Variants in PACRG observed in about 807,000 individuals in gnomAD.
PACRG encodes parkin coregulated gene protein.
In PACRG, 29 loss-of-function variants were observed where a neutral mutation model predicts 29.7. The observed-to-expected ratio is 0.98, with a 90% CI of 0.73 to 1.33. PACRG has a LOEUF of 1.33. PACRG is among the 40% of genes most tolerant of loss of function. The pLI, the probability that PACRG is intolerant of heterozygous loss-of-function variation, is 0.00. For missense variants in PACRG, 279 were observed against 316.2 expected (o/e 0.88, Z 0.89); for synonymous variants, 116 against 118.7 (o/e 0.98, Z 0.15).
At chr6:163,279,378 T>G (rs532625775) in intron 4 of PACRG, among the ~76,000 whole-genome samples, 6 of 152,234 alleles carry the variant, frequency 3.9e-5, no homozygotes, top group Admixed American at 2.6e-4. Context: ...CTGTGTTGAA[T>G]AGATCTTCAA....
intron 1 of PACRG, among the ~76,000 whole-genome samples, chr6:162,733,567 C>T (rs1408235657): frequency 2.6e-5 from 4 of 152,148 alleles, no homozygotes; most frequent in African/African-American, 7.2e-5. Context: ...TCATGGCATT[C>T]GTCACCTCAA....
intron 2 of PACRG, among the ~76,000 whole-genome samples, chr6:163,053,716 T>G (rs968897975): frequency 1.3e-5 from 2 of 152,136 alleles, no homozygotes; most frequent in Non-Finnish European, 2.9e-5. Context: ...GTAGAATACA[T>G]AAATTTATAG....
chr6:163,133,877 A>T (rs1333832189), intron 4 of PACRG, among the ~76,000 whole-genome samples: 1 of 152,230 alleles, frequency 6.6e-6, no homozygotes, highest in African/African-American at 2.4e-5. Flanking sequence ...ATATTGTGCA[A>T]TTCCAATTTT....
At chr6:163,077,194 G>A (rs915054899) in intron 3 of PACRG, among the ~76,000 whole-genome samples, 2 of 152,164 alleles carry the variant, frequency 1.3e-5, no homozygotes, top group Non-Finnish European at 2.9e-5. Context: ...TATTTAAGTG[G>A]TGAGAGTACA....
chr6:162,733,589 G>A (rs1046931398), intron 1 of PACRG, among the ~76,000 whole-genome samples: 2 of 152,078 alleles, frequency 1.3e-5, no homozygotes, highest in Admixed American at 1.3e-4. Context: ...CCCTCAGGTG[G>A]CTCCCTGCCT....
At chr6:163,255,057 GT>G (rs1298591534) in intron 4 of PACRG, among the ~76,000 whole-genome samples, 2 of 152,218 alleles carry the variant, frequency 1.3e-5, no homozygotes, top group Non-Finnish European at 2.9e-5. Flanking sequence ...AGGTTAGCAA[GT>G]TAACCTGGAC....
rs2128309012 is a variant in PACRG at position 162,777,119 on chromosome 6, A to G, written c.157-37028A>G. On this transcript the variant is annotated intron_variant, in intron 1 of 4. Coordinates refer to ENST00000366888, the MANE Select transcript of PACRG (RefSeq NM_001080379.2). The surrounding 1 kb of genome is among the most constrained non-coding windows in gnomAD (Gnocchi z 4.0). ...TTGAAAAATAGCTAGCATTAAATCA[A>G]CCAACTATTTCTCTGGGTGAATGTT... Among the ~76,000 whole-genome samples the G allele has an allele frequency of 6.6e-6, 1 of 152,324 alleles. No homozygotes were observed. The highest frequency in any genetic ancestry group is 2.4e-5 in the African/African-American group (1 of 41,576).
At chr6:163,094,261 A>G (rs932260647) in intron 4 of PACRG, among the ~76,000 whole-genome samples, 16 of 152,244 alleles carry the variant, frequency 1.1e-4, no homozygotes, top group African/African-American at 3.9e-4. Context: ...TTCATCCCCC[A>G]TGGAATTCTG....
chr6:162,981,305 A>ATATATATATATATTTTTTT (rs925663285), intron 2 of PACRG, among the ~76,000 whole-genome samples: 56 of 149,160 alleles, frequency 3.8e-4, no homozygotes, highest in African/African-American at 1.1e-3. Context: ...ATATATATAT[A>ATATATATATATATTTTTTT]TTTACAATGG....
At chr6:163,250,906 T>TATATATATATATATATATATATATAC (rs1026185460) in intron 4 of PACRG, among the ~76,000 whole-genome samples, 7 of 149,286 alleles carry the variant, frequency 4.7e-5, no homozygotes, top group African/African-American at 1.7e-4. Flanking sequence ...TATATATATA[T>TATATATATATATATATATATATATAC]ACACTATGGA....
At chr6:163,022,825 G>T (rs922333520) in intron 2 of PACRG, among the ~76,000 whole-genome samples, 1 of 152,118 alleles carries the variant, frequency 6.6e-6, no homozygotes, top group Admixed American at 6.5e-5. Flanking sequence ...CATTGAATTG[G>T]CTTAAATAAT....
intron 1 of PACRG, among the ~76,000 whole-genome samples, chr6:162,803,723 G>A (rs1361102652): frequency 1.3e-5 from 2 of 152,084 alleles, no homozygotes. Context: ...CATGCATATT[G>A]TATTTATACA....
At chr6:162,910,512 A>G (rs1796231713) in intron 2 of PACRG, among the ~76,000 whole-genome samples, 1 of 152,222 alleles carries the variant, frequency 6.6e-6, no homozygotes, top group African/African-American at 2.4e-5. Context: ...AGATAGTTGA[A>G]CATAGATAGT....
At chr6:162,868,675 C>T (rs946229209) in intron 2 of PACRG, among the ~76,000 whole-genome samples, 1 of 152,204 alleles carries the variant, frequency 6.6e-6, no homozygotes, top group African/African-American at 2.4e-5. Flanking sequence ...CTTTCCGGCT[C>T]ATCACCTGCT....
chr6:163,112,030 C>T (rs1815741807), intron 4 of PACRG: 1 of 954,664 alleles, frequency 1.0e-6, no homozygotes, highest in South Asian at 4.8e-5. Context: ...ATTTAGGTGA[C>T]ACTGTACCAA....
chr6:162,806,882 C>A (rs529985250), intron 1 of PACRG, among the ~76,000 whole-genome samples: 2 of 152,316 alleles, frequency 1.3e-5, no homozygotes, highest in East Asian at 3.9e-4. Flanking sequence ...AGCCCAGTGT[C>A]CTCTTCCAAT....
intron 2 of PACRG, among the ~76,000 whole-genome samples, chr6:162,924,913 C>G (rs1177053236): frequency 6.6e-6 from 1 of 151,988 alleles, no homozygotes; most frequent in Non-Finnish European, 1.5e-5. Context: ...AATAGATAGA[C>G]TGCTAGCTAG....
intron 2 of PACRG, among the ~76,000 whole-genome samples, chr6:162,825,903 T>A (rs746998699): frequency 5.9e-5 from 9 of 152,204 alleles, no homozygotes; most frequent in Non-Finnish European, 1.2e-4. Flanking sequence ...AGTATTTGCC[T>A]ATCTTACTTT....
chr6:163,290,272 G>A (rs943217398), intron 4 of PACRG, among the ~76,000 whole-genome samples: 8 of 100,656 alleles, frequency 7.9e-5, no homozygotes, highest in South Asian at 6.7e-4. Flanking sequence ...ATGCACGCGC[G>A]CGCGCGCACA....
Sources: gnomAD v4.1 joint callset for allele counts (sites outside exome capture counted in the v4.1 genomes callset) on GRCh38, gnomAD v4.1.1 for gene constraint, Gnocchi (gnomAD v3.1) non-coding constraint, MANE v1.5 for transcripts, NCBI Gene and HGNC (gene_info 2026-07-23, HGNC 2026-07-21) for gene names.